ANKRD26: variants seen among roughly 807,000 people sequenced by gnomAD.
ANKRD26 encodes the protein ankyrin repeat domain-containing protein 26.
A neutral mutation model predicts 208.7 loss-of-function variants in ANKRD26; 141 were observed. The ratio of observed to expected loss-of-function variants is 0.68; its 90% CI spans 0.59 to 0.78. The LOEUF is 0.78. Ranked by LOEUF, ANKRD26 falls within the 30% of genes least tolerant of loss-of-function variation. ANKRD26 has a pLI of 0.00. For synonymous variants in ANKRD26, 636 were observed against 660.4 expected (o/e 0.96, Z 0.57); for missense variants, 1,889 against 1,938.7 (o/e 0.97, Z 0.48).
At chr10:27,098,622 C>T (rs1483211306) in intron 1 of ANKRD26, among the ~76,000 whole-genome samples, 1 of 151,060 alleles carries the variant, frequency 6.6e-6, no homozygotes, top group Non-Finnish European at 1.5e-5. Context: ...GATCTCCGCT[C>T]ACTGCAAGCT....
intron 20 of ANKRD26, among the ~76,000 whole-genome samples, chr10:27,041,603 TA>T (rs1007230875): frequency 7.9e-5 from 12 of 152,166 alleles, no homozygotes; most frequent in Non-Finnish European, 1.3e-4. Context: ...AGATATTTTT[TA>T]AAAACCAAAT....
intron 20 of ANKRD26, among the ~76,000 whole-genome samples, chr10:27,040,605 C>T (rs975532636): frequency 2.0e-5 from 3 of 152,182 alleles, no homozygotes; most frequent in African/African-American, 7.2e-5. Flanking sequence ...GGCTCTACTG[C>T]AGTCTGCTTC....
In ANKRD26 at chr10:27,024,505, C is replaced by G. The variant is rs1395623936; in HGVS notation, c.4027G>C (p.Glu1343Gln). The G allele has an allele frequency of 5.0e-6, 8 of 1,586,846 alleles. No homozygotes were observed. Among genetic ancestry groups the G allele is most frequent in the Non-Finnish European group, 6.9e-6 (8 of 1,158,110 alleles). The change falls in exon 28 of 34, where the codon GAA (glutamate) becomes CAA (glutamine). Residue 1343 changes from glutamate to glutamine, a missense_variant. By Grantham distance (29) the Glu-to-Gln change is conservative (BLOSUM62 2). This residue lies in a region of ANKRD26 where 613 missense variants were observed against 648.2 expected (regional missense o/e 0.95). Coordinates refer to ENST00000376087, the MANE Select transcript of ANKRD26 (RefSeq NM_014915.3). ...TTCATTTCTTGATCCAAATTACATT[C>G]CAGTGACTGTTTTAATTCCATAAGT... The part of the protein sequence containing the change: ...KKLMELKQSL[E>Q]CNLDQEMKKN...
chr10:27,024,548 T>C lies in ANKRD26; in HGVS notation c.3984A>G (p.Glu1328=). 6.4e-7 allele frequency: 1 copy of C among 1,550,904 alleles called. No homozygotes were observed. The highest frequency in any genetic ancestry group is 2.3e-5 in the East Asian group (1 of 44,230). The change falls in exon 28 of 34, where the codon GAA becomes GAG. Residue 1328 remains glutamate, a synonymous_variant. Coordinates refer to ENST00000376087, the MANE Select transcript of ANKRD26 (RefSeq NM_014915.3). ...CCATAAGTTTCTTTAATTGTTCCTT[T>C]TCATCTTCAGACTTTGAAACAAAAT... The part of the protein sequence containing the change: ...NLLNANLSED[E]KEQLKKLMEL...
At chr10:27,083,734 A>C (rs929486560) in intron 5 of ANKRD26, among the ~76,000 whole-genome samples, 2 of 152,262 alleles carry the variant, frequency 1.3e-5, no homozygotes, top group Admixed American at 6.5e-5. Context: ...CAATCCCTTT[A>C]CATGGTTACC....
chr10:27,041,911 C>T (rs1267935770), intron 20 of ANKRD26, among the ~76,000 whole-genome samples: 1 of 151,978 alleles, frequency 6.6e-6, no homozygotes, highest in East Asian at 1.9e-4. Context: ...TATAATTATA[C>T]CATATATCAG....
At position 27,035,057 on chromosome 10, in the gene ANKRD26, A is replaced by G. The variant is rs770930305; in HGVS notation, c.3393T>C (p.Ser1131=). 6.2e-7 allele frequency: 1 copy of G among 1,613,588 alleles called. No homozygotes were observed. Among genetic ancestry groups the G allele is most frequent in the Non-Finnish European group, 8.5e-7 (1 of 1,179,864 alleles). The change falls in exon 24 of 34, where the codon TCT becomes TCC. Residue 1131 remains serine, a synonymous_variant. Transcript: ENST00000376087. ...GTAGTTGAGACAATCTCTCCTCTACAGACTCCTGCTTTCCAATGTATTTAT... is the reference window on the plus strand; with the variant it reads ...GTAGTTGAGACAATCTCTCCTCTACGGACTCCTGCTTTCCAATGTATTTAT... ...KVNKYIGKQE[S]VEERLSQLQS...
Position 27,046,393 on chromosome 10 carries a change from C to T in ANKRD26, c.1945G>A (p.Asp649Asn). The T allele has an allele frequency of 6.2e-7, 1 of 1,614,118 alleles. No individual in the cohort carries two copies. ...LLTGGLLQVD[D>N]DSSLSEIDED... is the part of the protein sequence containing the mutation. ...TCTATTTCACTTAAACTGCTGTCAT[C>T]ATCCACTTGTAGCAGGCCACCAGTT... Residue 649 changes from aspartate to asparagine, a missense_variant, in exon 18 of 34, where the codon GAT (aspartate) becomes AAT (asparagine). By Grantham distance (23) the Asp-to-Asn change is conservative. Around this residue, in one of 3 missense-constraint regions of ANKRD26, gnomAD observed 1,272 missense variants for 1,273.8 expected, o/e 1.00. Coordinates refer to ENST00000376087, the MANE Select transcript of ANKRD26 (RefSeq NM_014915.3).
intron 5 of ANKRD26, among the ~76,000 whole-genome samples, chr10:27,085,640 G>A (rs1251830144): frequency 6.6e-6 from 1 of 152,154 alleles, no homozygotes; most frequent in Non-Finnish European, 1.5e-5. Context: ...TATGGTACCA[G>A]AAAGGTACTG....
At chr10:27,047,520 T>C (rs1355204714) in intron 17 of ANKRD26, among the ~76,000 whole-genome samples, 1 of 151,588 alleles carries the variant, frequency 6.6e-6, no homozygotes, top group Admixed American at 6.6e-5. Context: ...ACTCGGGAAG[T>C]TGAGGCAGGA....
intron 23 of ANKRD26, 116 bp downstream of exon 23, chr10:27,037,070 T>C: frequency 9.4e-7 from 1 of 1,061,226 alleles, no homozygotes; most frequent in Non-Finnish European, 1.4e-6. Context: ...TACACATATA[T>C]GGTTTAAAAA....
At chr10:27,034,006 C>T (rs1479338934) in intron 24 of ANKRD26, among the ~76,000 whole-genome samples, 3 of 152,182 alleles carry the variant, frequency 2.0e-5, no homozygotes, top group African/African-American at 7.2e-5. Context: ...AATCGCTACA[C>T]TTACTTATCT....
At chr10:26,973,511 T>C (rs1564325633), downstream of ANKRD26, among the ~76,000 whole-genome samples, 2 of 151,826 alleles carry the variant, frequency 1.3e-5, no homozygotes, top group African/African-American at 4.8e-5. Context: ...TATCTCCTTA[T>C]GGCATAAGAG....
chr10:27,033,431 T>C, intron 24 of ANKRD26, 54 bp from the exon 25 acceptor site: 2 of 1,524,952 alleles, frequency 1.3e-6, no homozygotes, highest in South Asian at 2.4e-5. Flanking sequence ...TTAAGTTATG[T>C]TAAAAAATAA....
chr10:26,958,599 T>A, the ANKRD26 span, among the ~76,000 whole-genome samples: 1 of 152,192 alleles, frequency 6.6e-6, no homozygotes, highest in African/African-American at 2.4e-5. Context: ...TTGCTGAAGA[T>A]AATGGCTTCC....
At position 27,036,504 on chromosome 10, in the gene ANKRD26, G is replaced by T. The variant is rs118126788; in HGVS notation, c.2697+682C>A. On this transcript the variant is annotated intron_variant, in intron 23 of 33. Coordinates refer to ENST00000376087, the MANE Select transcript of ANKRD26 (RefSeq NM_014915.3). ...TGGTAAATAGGACAAAATTTGTAGA[G>T]TTCCTCTTGGAAAATCACGAGATTA... 6.6e-3 allele frequency among the ~76,000 whole-genome samples: 1,002 copies of T among 152,158 alleles called. 35 individuals carry two copies. The East Asian group carries it at 0.11, about 17-fold the overall frequency.
intron 26 of ANKRD26, 54 bp from the exon 27 acceptor site, chr10:27,028,999 G>C: frequency 7.1e-7 from 1 of 1,411,504 alleles, no homozygotes; most frequent in Non-Finnish European, 9.8e-7. Flanking sequence ...TTAAAATACT[G>C]TGTAATTTCT....
chr10:27,045,451 C>T (rs559914349), intron 18 of ANKRD26, among the ~76,000 whole-genome samples: 154 of 151,536 alleles, frequency 1.0e-3, no homozygotes, highest in African/African-American at 3.6e-3. Flanking sequence ...AATCCTTACT[C>T]AGCATACATG....
the ANKRD26 span, among the ~76,000 whole-genome samples, chr10:26,956,017 A>T: frequency 2.0e-5 from 3 of 152,194 alleles, no homozygotes; most frequent in African/African-American, 4.8e-5. Context: ...CTAATTATAA[A>T]TGACTATCTG....
Sources: gnomAD v4.1 joint callset for allele counts (sites outside exome capture counted in the v4.1 genomes callset) on GRCh38, gnomAD v4.1.1 for gene constraint, gnomAD v4.1.1 regional missense constraint, MANE v1.5 for transcripts, NCBI Gene and HGNC (gene_info 2026-07-23, HGNC 2026-07-21) for gene names.